Variants in PTPRD observed in about 807,000 individuals in gnomAD.
PTPRD encodes the protein protein tyrosine phosphatase receptor type D.
Under a neutral mutation model 214.5 loss-of-function variants are expected in PTPRD, and 34 were observed. The observed-to-expected ratio is 0.16, with a 90% CI of 0.12 to 0.21. The LOEUF is 0.21. Among genes scored for constraint, PTPRD ranks in the 10% least tolerant of loss-of-function variants. The probability of loss-of-function intolerance (pLI) is 1.00; values close to 1 mark genes in which losing one functional copy is unlikely to be tolerated. For synonymous variants in PTPRD, 1,128 were observed against 845.7 expected (o/e 1.33, Z -5.79); for missense variants, 2,545 against 2,398.7 (o/e 1.06, Z -1.27).
chr9:9,615,996 T>C (rs1317884338), intron 7 of PTPRD, among the ~76,000 whole-genome samples: 1 of 152,164 alleles, frequency 6.6e-6, no homozygotes, highest in Non-Finnish European at 1.5e-5. Flanking sequence ...ACGTAATATT[T>C]TTAAAGGTTT....
chr9:8,762,325 C>G (rs2094461674), intron 11 of PTPRD, among the ~76,000 whole-genome samples: 1 of 152,042 alleles, frequency 6.6e-6, no homozygotes, highest in Admixed American at 6.6e-5. Context: ...AAAAGAAGCA[C>G]CCTTATTGTT....
intron 2 of PTPRD, among the ~76,000 whole-genome samples, chr9:10,552,453 C>T (rs1462697408): frequency 6.6e-6 from 1 of 151,976 alleles, no homozygotes; most frequent in African/African-American, 2.4e-5. Flanking sequence ...TTATTTCACA[C>T]TCTTCTCATT....
chr9:9,696,857 G>A (rs980427497), intron 7 of PTPRD, among the ~76,000 whole-genome samples: 1 of 151,916 alleles, frequency 6.6e-6, no homozygotes, highest in Admixed American at 6.6e-5. Flanking sequence ...CTTGCTTTCT[G>A]GTTGTTTTAC....
At chr9:10,543,140 C>A (rs2059485445) in intron 2 of PTPRD, among the ~76,000 whole-genome samples, 1 of 152,106 alleles carries the variant, frequency 6.6e-6, no homozygotes. Flanking sequence ...CCTCCTTGGC[C>A]TCCCAAAGTG....
Position 9,314,350 on chromosome 9 carries a change from C to T in PTPRD, c.-203+83099G>A, listed in dbSNP as rs982277829. On this transcript the variant is annotated intron_variant, in intron 9 of 45. Coordinates refer to ENST00000381196, the MANE Select transcript of PTPRD (RefSeq NM_002839.4). The stretch of plus-strand genomic sequence containing the variant: ...AAACAAGTTCTGTTCTTACATCACT[C>T]ATGTAATGAGGTAGTATATAAAAAA... 3.9e-5 allele frequency among the ~76,000 whole-genome samples: 6 copies of T among 152,034 alleles called. 1 individual carries two copies. In the South Asian group the frequency reaches 1.0e-3, roughly 26 times the overall value.
chr9:10,159,736 C>A (rs538163705), intron 3 of PTPRD, among the ~76,000 whole-genome samples: 1 of 151,502 alleles, frequency 6.6e-6, no homozygotes. Context: ...ATTAGAGGCT[C>A]TTAGTAACAG....
intron 39 of PTPRD, among the ~76,000 whole-genome samples, chr9:8,347,036 C>T (rs1269142834): frequency 6.6e-6 from 1 of 151,964 alleles, no homozygotes; most frequent in Non-Finnish European, 1.5e-5. Context: ...GAGCTTGGTA[C>T]TCTCTGGGGA....
At chr9:9,327,430 T>A (rs952939944) in intron 9 of PTPRD, among the ~76,000 whole-genome samples, 2 of 152,120 alleles carry the variant, frequency 1.3e-5, no homozygotes, top group African/African-American at 4.8e-5. Flanking sequence ...TCTTAAAAAA[T>A]TTACGTTTGT....
At chr9:9,398,740 C>T (rs1459484402) in intron 8 of PTPRD, among the ~76,000 whole-genome samples, 1 of 151,086 alleles carries the variant, frequency 6.6e-6, no homozygotes, top group African/African-American at 2.4e-5. Flanking sequence ...TGTTTTTTCC[C>T]CCCACAGGGT....
intron 39 of PTPRD, among the ~76,000 whole-genome samples, chr9:8,355,677 A>G (rs558407680): frequency 3.3e-5 from 5 of 152,328 alleles, no homozygotes; most frequent in Admixed American, 2.6e-4. Context: ...CTATGTATCA[A>G]TCGCCATGCA....
chr9:8,574,492 G>A (rs2091940506), intron 14 of PTPRD, among the ~76,000 whole-genome samples: 1 of 151,936 alleles, frequency 6.6e-6, no homozygotes, highest in South Asian at 2.1e-4. Context: ...GCAATAAAAT[G>A]TCCATTAAAG....
intron 12 of PTPRD, among the ~76,000 whole-genome samples, chr9:8,645,589 C>T (rs1595968776): frequency 6.6e-6 from 1 of 151,956 alleles, no homozygotes; most frequent in South Asian, 2.1e-4. Flanking sequence ...GTATGACTAC[C>T]AATATCTAAT....
intron 2 of PTPRD, among the ~76,000 whole-genome samples, chr9:10,480,944 A>G (rs1589133725): frequency 6.6e-6 from 1 of 152,262 alleles, no homozygotes; most frequent in East Asian, 1.9e-4. Flanking sequence ...TAAGATTGGA[A>G]CTTGTTCTGG....
intron 10 of PTPRD, among the ~76,000 whole-genome samples, chr9:9,050,250 T>C (rs1238724363): frequency 2.0e-5 from 3 of 152,192 alleles, no homozygotes; most frequent in African/African-American, 4.8e-5. Context: ...AATGTACTGA[T>C]AAAACTAGTC....
At chr9:10,347,840 C>T (rs2097113993) in intron 2 of PTPRD, among the ~76,000 whole-genome samples, 1 of 151,992 alleles carries the variant, frequency 6.6e-6, no homozygotes, top group Non-Finnish European at 1.5e-5. Flanking sequence ...GGAGGATCAT[C>T]TGAGGTCAGG....
chr9:8,374,972 A>C (rs2082782251), intron 39 of PTPRD, among the ~76,000 whole-genome samples: 1 of 151,870 alleles, frequency 6.6e-6, no homozygotes, highest in South Asian at 2.1e-4. Context: ...TGGGGTATGA[A>C]AGAGAGTGAT....
At chr9:9,469,157 A>G (rs1048296999) in intron 8 of PTPRD, among the ~76,000 whole-genome samples, 3 of 152,276 alleles carry the variant, frequency 2.0e-5, no homozygotes, top group African/African-American at 7.2e-5. Context: ...TATCTCATTA[A>G]CATCCTAAAA....
At chr9:9,139,568 T>C (rs984065206) in intron 10 of PTPRD, among the ~76,000 whole-genome samples, 1 of 152,060 alleles carries the variant, frequency 6.6e-6, no homozygotes, top group Non-Finnish European at 1.5e-5. Flanking sequence ...GGCTACTAAG[T>C]GACTCAGGAA....
intron 35 of PTPRD, among the ~76,000 whole-genome samples, chr9:8,433,357 A>G (rs536535117): frequency 4.1e-4 from 63 of 152,354 alleles, no homozygotes; most frequent in African/African-American, 1.5e-3. Flanking sequence ...TTATGTGTTT[A>G]CTACAGTATA....
Sources: gnomAD v4.1 joint callset for allele counts (sites outside exome capture counted in the v4.1 genomes callset) on GRCh38, gnomAD v4.1.1 for gene constraint, MANE v1.5 for transcripts, NCBI Gene and HGNC (gene_info 2026-07-23, HGNC 2026-07-21) for gene names.